ROBO2: variants seen among roughly 807,000 people sequenced by gnomAD.
ROBO2 encodes roundabout homolog 2.
In ROBO2, 53 loss-of-function variants were observed where a neutral mutation model predicts 160.8. The observed-to-expected ratio is 0.33, with a 90% CI of 0.26 to 0.41. The LOEUF (loss-of-function observed/expected upper bound fraction) is 0.41. ROBO2 is among the 10% of genes least tolerant of loss of function. The pLI, the probability that ROBO2 is intolerant of heterozygous loss-of-function variation, is 1.00. For missense variants in ROBO2, 1,577 were observed against 1,722.4 expected, an observed-to-expected ratio of 0.92 and a Z score of 1.49; for synonymous variants, 664 against 611.7, an observed-to-expected ratio of 1.09 and a Z score of -1.26.
At chr3:77,181,712 T>G (rs6419725) in intron 2 of ROBO2, among the ~76,000 whole-genome samples, 60,462 of 151,886 alleles carry the variant, frequency 0.4, 12,570 homozygotes, top group Middle Eastern at 0.55. Context: ...TGCTCAATAT[T>G]CTTGCTTTTA....
chr3:76,159,096 CT>C (rs1282764214), intron 2 of ROBO2, among the ~76,000 whole-genome samples: 1 of 152,094 alleles, frequency 6.6e-6, no homozygotes. Flanking sequence ...GAAAATGTCC[CT>C]CCTAGCTTGC....
chr3:77,293,330 G>A (rs553285937), intron 2 of ROBO2, among the ~76,000 whole-genome samples: 44 of 149,476 alleles, frequency 2.9e-4, no homozygotes, highest in Non-Finnish European at 7.4e-5. Flanking sequence ...GTTGAGGCTA[G>A]AACAGTAAAG....
intron 2 of ROBO2, among the ~76,000 whole-genome samples, chr3:77,286,013 A>T (rs560813816): frequency 4.6e-5 from 7 of 152,302 alleles, no homozygotes; most frequent in African/African-American, 1.7e-4. Flanking sequence ...TAGGAAACCC[A>T]TTCCCTTCTC....
At chr3:76,259,814 C>T (rs1706629238) in intron 2 of ROBO2, among the ~76,000 whole-genome samples, 1 of 152,004 alleles carries the variant, frequency 6.6e-6, no homozygotes. Context: ...CAAGAAAGAC[C>T]CGAGTGAACA....
chr3:76,436,979 G>A (rs968610456), intron 2 of ROBO2, among the ~76,000 whole-genome samples: 1 of 152,100 alleles, frequency 6.6e-6, no homozygotes, highest in Non-Finnish European at 1.5e-5. Context: ...ATAAATATGT[G>A]AAATGCTATC....
intron 1 of ROBO2, among the ~76,000 whole-genome samples, chr3:77,067,698 G>A (rs1252026634): frequency 1.3e-5 from 2 of 152,042 alleles, no homozygotes; most frequent in Non-Finnish European, 2.9e-5. Flanking sequence ...GTTTTCTACT[G>A]ATATATTGTC....
Position 76,215,152 on chromosome 3 carries a change from C to G in ROBO2, c.109+277550C>G, listed in dbSNP as rs1380303817. Among the ~76,000 whole-genome samples, 3 of 152,102 alleles carry G rather than the reference C, an allele frequency of 2.0e-5. No homozygotes were observed. In the East Asian group the frequency reaches 5.8e-4, roughly 29 times the overall value. ...AACAGAAAGGACATCCACACCAAAA[C>G]CCCATCTGTATGTCACCATCATCAA... On this transcript the variant is annotated intron_variant, in intron 2 of 26. Transcript: ENST00000487694.
intron 2 of ROBO2, among the ~76,000 whole-genome samples, chr3:76,366,253 C>T (rs1268053263): frequency 1.3e-5 from 2 of 152,020 alleles, no homozygotes; most frequent in Non-Finnish European, 2.9e-5. Context: ...CTTCCTAGAA[C>T]CATCATACCA....
intron 2 of ROBO2, among the ~76,000 whole-genome samples, chr3:77,285,796 GAAC>G (rs2060548441): frequency 2.0e-5 from 3 of 152,000 alleles, no homozygotes; most frequent in African/African-American, 7.2e-5. Context: ...ATAAACAAAT[GAAC>G]AAACAAAAAA....
chr3:76,445,753 G>C (rs552527362), intron 2 of ROBO2, among the ~76,000 whole-genome samples: 1 of 152,182 alleles, frequency 6.6e-6, no homozygotes, highest in South Asian at 2.1e-4. Flanking sequence ...ATCAATGAAC[G>C]TAATCCAGCA....
intron 2 of ROBO2, among the ~76,000 whole-genome samples, chr3:76,528,209 A>G (rs1169790413): frequency 1.3e-5 from 2 of 152,114 alleles, no homozygotes; most frequent in African/African-American, 4.8e-5. Flanking sequence ...TGCACAATTA[A>G]TGAGAAACTT....
chr3:75,961,657 C>T (rs1295021418), intron 2 of ROBO2, among the ~76,000 whole-genome samples: 3 of 151,584 alleles, frequency 2.0e-5, no homozygotes, highest in African/African-American at 7.3e-5. Context: ...ACATTTTGCA[C>T]ATCTGACTTC....
At chr3:77,325,752 A>C (rs543749653) in intron 2 of ROBO2, among the ~76,000 whole-genome samples, 9 of 152,320 alleles carry the variant, frequency 5.9e-5, no homozygotes, top group Admixed American at 5.2e-4. Flanking sequence ...GTAACTATCT[A>C]TTAGGCACAT....
chr3:76,560,111 G>A (rs1398883800), intron 2 of ROBO2, among the ~76,000 whole-genome samples: 1 of 151,910 alleles, frequency 6.6e-6, no homozygotes, highest in Non-Finnish European at 1.5e-5. Context: ...AGTTAAAATA[G>A]ATGTCTTTCC....
At chr3:77,038,900 G>A (rs748081596), upstream of ROBO2, among the ~76,000 whole-genome samples, 3 of 152,170 alleles carry the variant, frequency 2.0e-5, no homozygotes, top group Admixed American at 6.5e-5. Flanking sequence ...CACACCCAGA[G>A]CCTATGTTTA....
At chr3:77,430,805 C>T (rs2078691722) in intron 2 of ROBO2, among the ~76,000 whole-genome samples, 1 of 152,088 alleles carries the variant, frequency 6.6e-6, no homozygotes, top group African/African-American at 2.4e-5. Flanking sequence ...TTATAGCAAC[C>T]AGAGCAAACT....
chr3:76,030,321 G>A (rs1348491054), intron 2 of ROBO2, among the ~76,000 whole-genome samples: 1 of 152,132 alleles, frequency 6.6e-6, no homozygotes, highest in Non-Finnish European at 1.5e-5. Flanking sequence ...TAGATTGCCT[G>A]TTCACTCTGA....
At chr3:76,761,402 G>A (rs1341642745) in intron 2 of ROBO2, among the ~76,000 whole-genome samples, 8 of 151,690 alleles carry the variant, frequency 5.3e-5, no homozygotes, top group African/African-American at 1.7e-4. Flanking sequence ...CCCAGTTTAA[G>A]TGAGCTGCCT....
At chr3:77,301,856 T>G (rs2062684836) in intron 2 of ROBO2, among the ~76,000 whole-genome samples, 1 of 152,144 alleles carries the variant, frequency 6.6e-6, no homozygotes, top group African/African-American at 2.4e-5. Flanking sequence ...GAGAAATTAC[T>G]TGACCTTGCT....
Sources: allele counts gnomAD v4.1 joint callset (sites outside exome capture counted in the v4.1 genomes callset), GRCh38; gene constraint gnomAD v4.1.1; transcripts MANE v1.5; gene names NCBI Gene and HGNC (gene_info 2026-07-23, HGNC 2026-07-21).